The following SPAG16 variants were observed in gnomAD, a reference collection of about 807,000 sequenced individuals.
SPAG16 encodes the protein sperm-associated antigen 16 protein.
A neutral mutation model predicts 80.4 loss-of-function variants in SPAG16; 86 were observed. That is an observed-to-expected ratio of 1.07 (90% CI 0.90 to 1.28). The LOEUF is 1.28. SPAG16 is among the 50% of genes most tolerant of loss of function. The pLI is 0.00. For synonymous variants in SPAG16, 294 were observed against 265.9 expected (o/e 1.11, Z -1.03); for missense variants, 870 against 765.3 (o/e 1.14, Z -1.61).
intron 9 of SPAG16, among the ~76,000 whole-genome samples, chr2:213,375,440 A>G (rs2066838497): frequency 6.6e-6 from 1 of 151,984 alleles, no homozygotes. Flanking sequence ...CTCCCAGGTC[A>G]TATCTTGTTA....
At chr2:214,406,377 C>G (rs1701998684) in intron 15 of SPAG16, among the ~76,000 whole-genome samples, 1 of 151,986 alleles carries the variant, frequency 6.6e-6, no homozygotes, top group Non-Finnish European at 1.5e-5. Context: ...TAAGAGTTTC[C>G]AAACTATGCT....
At chr2:213,805,135 A>G (rs2071687915) in intron 10 of SPAG16, among the ~76,000 whole-genome samples, 2 of 152,228 alleles carry the variant, frequency 1.3e-5, no homozygotes, top group Non-Finnish European at 2.9e-5. Context: ...TTGGAACTCA[A>G]GCTCAGAATT....
chr2:214,260,769 C>T (rs1040165716), intron 15 of SPAG16, among the ~76,000 whole-genome samples: 11 of 152,002 alleles, frequency 7.2e-5, no homozygotes, highest in Non-Finnish European at 1.5e-4. Context: ...AGGCATTAGC[C>T]CTTTCTCTTT....
chr2:213,908,047 CGTG>C (rs1559574794), intron 11 of SPAG16, among the ~76,000 whole-genome samples: 1 of 152,156 alleles, frequency 6.6e-6, no homozygotes, highest in African/African-American at 2.4e-5. Flanking sequence ...AAATGCTTGA[CGTG>C]GTGAATATGC....
intron 15 of SPAG16, among the ~76,000 whole-genome samples, chr2:214,318,321 T>C (rs1049049871): frequency 6.8e-6 from 1 of 147,754 alleles, no homozygotes; most frequent in Non-Finnish European, 1.5e-5. Flanking sequence ...TCTGATTTAC[T>C]CACCCCAGCC....
intron 15 of SPAG16, among the ~76,000 whole-genome samples, chr2:214,213,322 T>C (rs1026290908): frequency 8.5e-5 from 13 of 152,298 alleles, no homozygotes; most frequent in Admixed American, 5.9e-4. Context: ...AAGCTGTCAC[T>C]TATTCCTGAA....
At chr2:213,871,025 T>C (rs2075922411) in intron 11 of SPAG16, among the ~76,000 whole-genome samples, 1 of 152,018 alleles carries the variant, frequency 6.6e-6, no homozygotes, top group South Asian at 2.1e-4. Context: ...CAGAAGGTAT[T>C]ATGTAATTTT....
At chr2:213,454,687 CCAGAGTCTGCT>C (rs1427595854) in intron 9 of SPAG16, among the ~76,000 whole-genome samples, 1 of 152,186 alleles carries the variant, frequency 6.6e-6, no homozygotes, top group Non-Finnish European at 1.5e-5. Context: ...GTCTTATTAA[CCAGAGTCTGCT>C]CAGGCCTCAA....
At chr2:213,642,115 C>T (rs1350952363) in intron 10 of SPAG16, among the ~76,000 whole-genome samples, 1 of 152,192 alleles carries the variant, frequency 6.6e-6, no homozygotes, top group African/African-American at 2.4e-5. Flanking sequence ...CCATATTACT[C>T]AGTGAGGATG....
At chr2:213,638,172 G>T (rs943161370) in intron 10 of SPAG16, among the ~76,000 whole-genome samples, 1 of 151,936 alleles carries the variant, frequency 6.6e-6, no homozygotes, top group Non-Finnish European at 1.5e-5. Flanking sequence ...TCTATCAATT[G>T]TGTTTATCTT....
chr2:213,527,735 C>T (rs2075937441), intron 10 of SPAG16, among the ~76,000 whole-genome samples: 1 of 151,992 alleles, frequency 6.6e-6, no homozygotes, highest in Non-Finnish European at 1.5e-5. Context: ...GAATCAGCCA[C>T]AACTCTGAAA....
intron 10 of SPAG16, among the ~76,000 whole-genome samples, chr2:213,733,220 G>GATT (rs2067134812): frequency 6.7e-6 from 1 of 149,318 alleles, no homozygotes; most frequent in Non-Finnish European, 1.5e-5. Flanking sequence ...TAATGGGGTT[G>GATT]TTTTTTTTTT....
chr2:214,143,964 C>T (rs949566774), intron 14 of SPAG16, among the ~76,000 whole-genome samples: 1 of 152,106 alleles, frequency 6.6e-6, no homozygotes, highest in Middle Eastern at 3.4e-3. Flanking sequence ...TTGAGACCAG[C>T]CTGAGCAACA....
At chr2:213,965,742 T>C (rs1230568624) in intron 12 of SPAG16, among the ~76,000 whole-genome samples, 1 of 152,216 alleles carries the variant, frequency 6.6e-6, no homozygotes, top group Non-Finnish European at 1.5e-5. Flanking sequence ...CATGATTTAT[T>C]CTAAATAAAG....
At chr2:213,586,326 C>T (rs1229257664) in intron 10 of SPAG16, among the ~76,000 whole-genome samples, 1 of 152,176 alleles carries the variant, frequency 6.6e-6, no homozygotes, top group Non-Finnish European at 1.5e-5. Context: ...CATTCCATGT[C>T]TAGTGAGGCC....
chr2:213,404,138 T>A (rs1575496880), intron 9 of SPAG16, among the ~76,000 whole-genome samples: 1 of 152,078 alleles, frequency 6.6e-6, no homozygotes, highest in South Asian at 2.1e-4. Flanking sequence ...CTGCCCAAGG[T>A]AATTTATAGA....
chr2:214,202,240 G>A (rs1307894601), intron 15 of SPAG16, among the ~76,000 whole-genome samples: 1 of 152,140 alleles, frequency 6.6e-6, no homozygotes, highest in Non-Finnish European at 1.5e-5. Flanking sequence ...AGTTTAACTT[G>A]AAAATTTTTT....
chr2:213,345,865 C>T (rs2064952379), intron 6 of SPAG16, among the ~76,000 whole-genome samples: 1 of 152,090 alleles, frequency 6.6e-6, no homozygotes, highest in Non-Finnish European at 1.5e-5. Flanking sequence ...GCAATGCAGG[C>T]TCTTTTTTGG....
intron 10 of SPAG16, among the ~76,000 whole-genome samples, chr2:213,850,872 T>C (rs144528764): frequency 0.022 from 3,425 of 152,238 alleles, 55 homozygotes; most frequent in Non-Finnish European, 0.034. Context: ...TAAATCTTTA[T>C]ATTTTTATTT....
Sources: gnomAD v4.1 joint callset for allele counts (sites outside exome capture counted in the v4.1 genomes callset) on GRCh38, gnomAD v4.1.1 for gene constraint, MANE v1.5 for transcripts, NCBI Gene and HGNC (gene_info 2026-07-23, HGNC 2026-07-21) for gene names.